The following CDH23 variants were observed in gnomAD, a reference collection of about 807,000 sequenced individuals.
The protein encoded by CDH23 is cadherin-23.
Under a neutral mutation model 317.1 loss-of-function variants are expected in CDH23, and 189 were observed. That is an observed-to-expected ratio of 0.60 (90% CI 0.53 to 0.67). CDH23 has a LOEUF of 0.67. Among genes scored for constraint, CDH23 ranks in the 30% least tolerant of loss-of-function variants. CDH23 has a pLI of 0.00. For synonymous variants in CDH23, 1,839 were observed against 1,876.8 expected (o/e 0.98, Z 0.52); for missense variants, 4,401 against 4,592.4 (o/e 0.96, Z 1.20).
At chr10:71,426,827 A>T (rs1156643499) in intron 1 of CDH23, among the ~76,000 whole-genome samples, 1 of 152,072 alleles carries the variant, frequency 6.6e-6, no homozygotes, top group Admixed American at 6.6e-5. Flanking sequence ...GTCACAGCCT[A>T]TTTTGGAACA....
At chr10:71,663,009 C>T (rs933704534) in intron 14 of CDH23, among the ~76,000 whole-genome samples, 1 of 152,228 alleles carries the variant, frequency 6.6e-6, no homozygotes, top group African/African-American at 2.4e-5. Flanking sequence ...CTGTGCCTTT[C>T]CTCTGGATGT....
chr10:71,423,981 G>T (rs1196718211), intron 1 of CDH23, among the ~76,000 whole-genome samples: 2 of 152,256 alleles, frequency 1.3e-5, no homozygotes, highest in African/African-American at 2.4e-5. Flanking sequence ...GAGCATGGTT[G>T]TCACTATGAC....
intron 29 of CDH23, 118 bp downstream of exon 29, chr10:71,724,223 T>C (rs1866705237): frequency 4.8e-6 from 5 of 1,048,688 alleles, no homozygotes; most frequent in Admixed American, 4.2e-5. Context: ...GCCATATACA[T>C]GGGGCGAGGC....
intron 1 of CDH23, among the ~76,000 whole-genome samples, chr10:71,400,128 G>A (rs964027093): frequency 1.3e-5 from 2 of 152,152 alleles, no homozygotes; most frequent in Admixed American, 6.5e-5. Flanking sequence ...GGTGGTTCGA[G>A]GCCTCTAGCT....
intron 14 of CDH23, among the ~76,000 whole-genome samples, chr10:71,663,353 C>T (rs1433145737): frequency 1.3e-5 from 2 of 152,238 alleles, no homozygotes; most frequent in African/African-American, 4.8e-5. Flanking sequence ...AGACTGCAGC[C>T]TCCTTGGGCT....
Position 71,511,014 on chromosome 10 carries a change from T to C in CDH23, c.336+13T>C, listed in dbSNP as rs1853944081. ...CGACCACCAGGGGGTGAGTGTTCCC[T>C]GGGGCCCTGGAGGCATGTTCCTGGG... On this transcript the variant is annotated intron_variant, in intron 5 of 69. Transcript: ENST00000224721. The C allele has an allele frequency of 6.2e-7, 1 of 1,613,806 alleles. No homozygotes were observed. The highest frequency in any genetic ancestry group is 2.2e-5 in the East Asian group (1 of 44,876).
chr10:71,681,015 T>C (rs2132678630), intron 17 of CDH23, among the ~76,000 whole-genome samples: 1 of 151,326 alleles, frequency 6.6e-6, no homozygotes, highest in African/African-American at 2.4e-5. Context: ...CTAGTAGAGA[T>C]GGGGTTTTGC....
chr10:71,438,203 C>T (rs10762447), intron 1 of CDH23, among the ~76,000 whole-genome samples: 124,854 of 151,542 alleles, frequency 0.82, 51,813 homozygotes, highest in African/African-American at 0.91. Context: ...ATGAGCCAAG[C>T]GTGGTGGCAC....
chr10:71,522,128 GT>G (rs34189051), intron 6 of CDH23, among the ~76,000 whole-genome samples: 42,090 of 148,066 alleles, frequency 0.28, 8,128 homozygotes, highest in African/African-American at 0.56. Context: ...GCTTACACAG[GT>G]TTTTTTTTTT....
chr10:71,799,720 C>G (rs1227194908), intron 52 of CDH23, 91 bp downstream of exon 52: 2 of 1,563,254 alleles, frequency 1.3e-6, no homozygotes, highest in Non-Finnish European at 1.8e-6. Context: ...AGTAATCCCT[C>G]TGGGTCTTGT....
intron 30 of CDH23, among the ~76,000 whole-genome samples, chr10:71,727,520 C>T (rs75493745): frequency 0.031 from 4,691 of 152,328 alleles, 121 homozygotes; most frequent in East Asian, 0.096. Context: ...TTCCCAGCAG[C>T]AGGGGAGAGA....
intron 21 of CDH23, 100 bp from the exon 22 acceptor site, chr10:71,695,318 G>A (rs796624671): frequency 8.9e-5 from 75 of 843,214 alleles, no homozygotes; most frequent in African/African-American, 2.5e-4. Context: ...GAATTAATGC[G>A]AAGATTGCCC....
chr10:71,457,656 G>A (rs1392553849), intron 3 of CDH23, among the ~76,000 whole-genome samples: 4 of 152,238 alleles, frequency 2.6e-5, no homozygotes, highest in African/African-American at 7.2e-5. Context: ...GACTGGGGCC[G>A]GTGCCTGAGT....
chr10:71,575,587 C>T lies in CDH23; in HGVS notation c.754-2327C>T, dbSNP rs142085049. On this transcript the variant is annotated intron_variant, in intron 8 of 69. Transcript: ENST00000224721. ...ACTGTAGCCTCTCTCTCGGAGGCGT[C>T]CTACTCCCTGAAATGTGGATTCCTG... 4.7e-3 allele frequency among the ~76,000 whole-genome samples: 712 copies of T among 152,304 alleles called. 5 individuals carry two copies. Among genetic ancestry groups the T allele is most frequent in the Admixed American group, 7.9e-3 (121 of 15,300 alleles).
intron 19 of CDH23, among the ~76,000 whole-genome samples, chr10:71,688,705 G>C (rs1475961465): frequency 4.3e-5 from 5 of 117,034 alleles, no homozygotes; most frequent in Admixed American, 1.6e-4. Context: ...GTGGAGCCAG[G>C]GGTGGTGGAG....
intron 6 of CDH23, among the ~76,000 whole-genome samples, chr10:71,565,672 T>A (rs562202762): frequency 6.6e-6 from 1 of 152,216 alleles, no homozygotes; most frequent in African/African-American, 2.4e-5. Context: ...TTGCAACTAC[T>A]GTCTTCTCAG....
intron 3 of CDH23, among the ~76,000 whole-genome samples, chr10:71,491,910 C>T (rs1256378051): frequency 6.6e-6 from 1 of 152,200 alleles, no homozygotes; most frequent in African/African-American, 2.4e-5. Flanking sequence ...GCCTTCCCCA[C>T]TCGAGCACAC....
At chr10:71,432,336 G>C (rs1259234083) in intron 1 of CDH23, among the ~76,000 whole-genome samples, 1 of 45,552 alleles carries the variant, frequency 2.2e-5, no homozygotes, top group East Asian at 7.8e-4. Context: ...GAAAAAGTGT[G>C]TGTGCGGTGT....
At chr10:71,474,730 T>G (rs997617630) in intron 3 of CDH23, among the ~76,000 whole-genome samples, 4 of 152,266 alleles carry the variant, frequency 2.6e-5, no homozygotes, top group Admixed American at 2.6e-4. Context: ...TAGTCTTTCC[T>G]TCTTAAGAGA....
Sources: allele counts gnomAD v4.1 joint callset (sites outside exome capture counted in the v4.1 genomes callset), GRCh38; gene constraint gnomAD v4.1.1; transcripts MANE v1.5; gene names NCBI Gene and HGNC (gene_info 2026-07-23, HGNC 2026-07-21).